NTRK3: variants seen among roughly 807,000 people sequenced by gnomAD.
NTRK3 encodes the protein neurotrophic receptor tyrosine kinase 3, also known as NT-3 growth factor receptor.
NTRK3 carries 24 observed loss-of-function variants against 91.7 expected under a neutral mutation model. The observed-to-expected ratio is 0.26, with a 90% CI of 0.19 to 0.37. NTRK3 has a LOEUF of 0.37. NTRK3 is among the 10% of genes least tolerant of loss of function. The pLI, the probability that NTRK3 is intolerant of heterozygous loss-of-function variation, is 1.00. For missense variants in NTRK3, 880 were observed against 1,068.9 expected (o/e 0.82, Z 2.46); for synonymous variants, 483 against 404.0 (o/e 1.20, Z -2.34).
intron 9 of NTRK3, 64 bp from the exon 10 acceptor site, chr15:88,135,461 C>T (rs2041784277): frequency 1.3e-6 from 2 of 1,556,696 alleles, no homozygotes; most frequent in Admixed American, 3.7e-5. Context: ...CAGTAGCCTT[C>T]CAGCAACTAA....
At chr15:88,014,803 C>G (rs538485856) in intron 14 of NTRK3, among the ~76,000 whole-genome samples, 2 of 152,354 alleles carry the variant, frequency 1.3e-5, no homozygotes, top group South Asian at 4.1e-4. Context: ...CCTCTTCTCA[C>G]CAGCTCCGAG....
chr15:88,025,180 C>G (rs1265973975), intron 14 of NTRK3, among the ~76,000 whole-genome samples: 2 of 152,202 alleles, frequency 1.3e-5, no homozygotes, highest in Non-Finnish European at 2.9e-5. Flanking sequence ...TGCAATGAAC[C>G]TCACTTGGTA....
chr15:87,898,603 C>A (rs968440716), intron 17 of NTRK3, among the ~76,000 whole-genome samples: 2 of 152,068 alleles, frequency 1.3e-5, no homozygotes, highest in Admixed American at 6.6e-5. Context: ...GGAATGGGCT[C>A]ACTGAGTCAT....
intron 10 of NTRK3, among the ~76,000 whole-genome samples, chr15:88,129,136 A>G (rs1384442163): frequency 6.6e-6 from 1 of 152,234 alleles, no homozygotes; most frequent in Non-Finnish European, 1.5e-5. Flanking sequence ...AATGCCAGGT[A>G]TGATCTCAAG....
chr15:87,950,355 C>T (rs908737694), intron 14 of NTRK3, among the ~76,000 whole-genome samples: 2 of 152,202 alleles, frequency 1.3e-5, no homozygotes, highest in Non-Finnish European at 2.9e-5. Context: ...CAGCTACCTA[C>T]AACCATGGGT....
intron 13 of NTRK3, among the ~76,000 whole-genome samples, chr15:88,063,210 T>A (rs1205292632): frequency 6.6e-6 from 1 of 152,198 alleles, no homozygotes; most frequent in Non-Finnish European, 1.5e-5. Flanking sequence ...TAGTGAGTGC[T>A]CCATACCTGC....
intron 15 of NTRK3, among the ~76,000 whole-genome samples, chr15:87,936,608 A>G (rs2069304641): frequency 6.6e-6 from 1 of 151,778 alleles, no homozygotes; most frequent in Non-Finnish European, 1.5e-5. Context: ...TAATATCCTG[A>G]AATTCATTTT....
At chr15:88,027,709 C>T (rs182308672) in intron 14 of NTRK3, among the ~76,000 whole-genome samples, 13 of 152,234 alleles carry the variant, frequency 8.5e-5, no homozygotes, top group South Asian at 2.1e-4. Flanking sequence ...AGAGCCTGGG[C>T]GTGGAGTCAT....
chr15:88,166,464 C>T (rs575482728), intron 5 of NTRK3, among the ~76,000 whole-genome samples: 9 of 152,220 alleles, frequency 5.9e-5, no homozygotes, highest in African/African-American at 1.9e-4. Context: ...GAAGGTGAGC[C>T]GGGGACTAGG....
At chr15:87,928,163 TAC>T (rs34042268) in intron 17 of NTRK3, 34,131 of 151,934 alleles carry the variant, frequency 0.22, 3,817 homozygotes, top group African/African-American at 0.27. Context: ...TATTTTTTAG[TAC>T]AGACAGGGTT....
At chr15:88,106,831 G>A (rs2050761115) in intron 13 of NTRK3, among the ~76,000 whole-genome samples, 1 of 151,990 alleles carries the variant, frequency 6.6e-6, no homozygotes, top group African/African-American at 2.4e-5. Context: ...TATTCAGGAG[G>A]CTGAGGCAGG....
chr15:87,942,770 C>T (rs947644821), intron 14 of NTRK3, among the ~76,000 whole-genome samples: 6 of 152,150 alleles, frequency 3.9e-5, no homozygotes, highest in South Asian at 2.1e-4. Context: ...GAGAATAGTA[C>T]GAGTTTAACT....
chr15:88,062,252 C>A (rs1042197309), intron 13 of NTRK3, among the ~76,000 whole-genome samples: 7 of 152,318 alleles, frequency 4.6e-5, no homozygotes, highest in Non-Finnish European at 8.8e-5. Context: ...TGTAGTATAT[C>A]CCACAGAGGT....
chr15:88,011,168 C>T (rs543811793), intron 14 of NTRK3, among the ~76,000 whole-genome samples: 2 of 152,194 alleles, frequency 1.3e-5, no homozygotes, highest in African/African-American at 4.8e-5. Flanking sequence ...TTCCACCCCA[C>T]TCATCCAGAG....
chr15:88,059,378 G>A (rs2046004239), intron 13 of NTRK3, among the ~76,000 whole-genome samples: 1 of 152,168 alleles, frequency 6.6e-6, no homozygotes, highest in South Asian at 2.1e-4. Context: ...CACTTGGTAA[G>A]CAGTACACAC....
intron 3 of NTRK3, among the ~76,000 whole-genome samples, chr15:88,193,118 G>A (rs867198884): frequency 6.6e-6 from 1 of 152,090 alleles, no homozygotes; most frequent in Non-Finnish European, 1.5e-5. Context: ...CATCCAGGGC[G>A]GTACTATGTA....
rs75419554 is a variant in NTRK3, at chr15:87,871,821, G to A, written c.*5114C>T. 1,289 of 220,176 alleles carry A rather than the reference G, an allele frequency of 5.9e-3. 17 individuals carry two copies. The highest frequency in any genetic ancestry group is 0.02 in the African/African-American group (881 of 44,692). The allele number at this position is 220,176 out of a possible 1,614,324, so 13.6% of individuals were successfully genotyped here. A position where few individuals can be genotyped will look rare whatever the true frequency, so the allele number is the denominator to read the frequency against. ...CAATATATAGAAATAAACACACAAC[G>A]TACATATATGTATACTTTCTTTAGA... On this transcript the variant is annotated 3_prime_UTR_variant, in exon 19 of 19. Transcript: ENST00000394480.
intron 3 of NTRK3, among the ~76,000 whole-genome samples, chr15:88,185,654 G>C (rs2046882886): frequency 6.6e-6 from 1 of 152,150 alleles, no homozygotes; most frequent in African/African-American, 2.4e-5. Context: ...GAAGAGTGCA[G>C]AGAGGTGACA....
At chr15:88,248,028 T>C (rs528407741) in intron 3 of NTRK3, among the ~76,000 whole-genome samples, 1 of 152,236 alleles carries the variant, frequency 6.6e-6, no homozygotes, top group South Asian at 2.1e-4. Flanking sequence ...GAGAAGCCAC[T>C]CAGCCCTCTG....
Sources: gnomAD v4.1 joint callset for allele counts (sites outside exome capture counted in the v4.1 genomes callset) on GRCh38, gnomAD v4.1.1 for gene constraint, MANE v1.5 for transcripts, NCBI Gene and HGNC (gene_info 2026-07-23, HGNC 2026-07-21) for gene names.